TGFA: variants seen among roughly 807,000 people sequenced by gnomAD.
TGFA encodes the protein transforming growth factor alpha.
In TGFA, 12 loss-of-function variants were observed where a neutral mutation model predicts 21.7. That is an observed-to-expected ratio of 0.55 (90% CI 0.35 to 0.90). The LOEUF (loss-of-function observed/expected upper bound fraction) is 0.90, where lower values mean the gene tolerates loss of function less well. Among genes scored for constraint, TGFA ranks in the 40% least tolerant of loss-of-function variants. TGFA has a pLI of 0.01. For missense variants in TGFA, 178 were observed against 210.8 expected (o/e 0.84, Z 0.96); for synonymous variants, 79 against 88.1 (o/e 0.90, Z 0.58).
chr2:70,475,983 C>T (rs1005663015), intron 2 of TGFA, among the ~76,000 whole-genome samples: 1 of 150,196 alleles, frequency 6.7e-6, no homozygotes, highest in Admixed American at 6.7e-5. Flanking sequence ...AGATCACACT[C>T]TCTGCCACTA....
chr2:70,464,545 C>T lies in TGFA; in HGVS notation c.215+1071G>A, dbSNP rs530664227. On this transcript the variant is annotated intron_variant, in intron 3 of 5. Coordinates refer to ENST00000295400, the MANE Select transcript of TGFA (RefSeq NM_003236.4). The stretch of plus-strand genomic sequence containing the variant: ...CGGCCAGGGATAGTAGTGCTATTGG[C>T]ATCTAGTAGATAGAGGCCAGGGATA... 8.5e-4 allele frequency among the ~76,000 whole-genome samples: 130 copies of T among 152,268 alleles called. 3 individuals are homozygous for T. The South Asian group carries it at 0.027, about 32-fold the overall frequency.
At chr2:70,472,153 C>T (rs983522562) in intron 2 of TGFA, among the ~76,000 whole-genome samples, 1 of 152,122 alleles carries the variant, frequency 6.6e-6, no homozygotes, top group African/African-American at 2.4e-5. Context: ...AGGAAGGTGG[C>T]AAAGGCCAGC....
At chr2:70,499,860 G>C (rs922890484) in intron 2 of TGFA, among the ~76,000 whole-genome samples, 4 of 152,298 alleles carry the variant, frequency 2.6e-5, no homozygotes, top group Admixed American at 6.5e-5. Context: ...AGGAAAGGAT[G>C]TGAGTGAAAA....
chr2:70,503,466 C>G (rs1671801457), intron 2 of TGFA, among the ~76,000 whole-genome samples: 1 of 151,090 alleles, frequency 6.6e-6, no homozygotes. Flanking sequence ...GGAGATATAC[C>G]TAATGTAAAT....
intron 2 of TGFA, among the ~76,000 whole-genome samples, chr2:70,505,916 A>G (rs1264370323): frequency 3.9e-5 from 6 of 152,196 alleles, no homozygotes; most frequent in Admixed American, 3.9e-4. Context: ...AGGAAAGGAG[A>G]TTCTGAACAA....
chr2:70,493,332 A>G (rs1553497936), intron 2 of TGFA, among the ~76,000 whole-genome samples: 1 of 152,226 alleles, frequency 6.6e-6, no homozygotes, highest in Admixed American at 6.5e-5. Context: ...GTTCCACTGC[A>G]TGGCCTTGAC....
intron 1 of TGFA, among the ~76,000 whole-genome samples, chr2:70,552,123 G>A (rs1673529388): frequency 6.6e-6 from 1 of 152,200 alleles, no homozygotes; most frequent in South Asian, 2.1e-4. Context: ...CAAGTTAGGT[G>A]ACTTTTCATA....
At chr2:70,531,924 A>G (rs1553503751) in intron 1 of TGFA, among the ~76,000 whole-genome samples, 1 of 152,186 alleles carries the variant, frequency 6.6e-6, no homozygotes, top group East Asian at 1.9e-4. Context: ...TCTACTTGAA[A>G]CACACCCACA....
chr2:70,553,592 G>A, intron 1 of TGFA, 136 bp downstream of exon 1: 2 of 1,313,078 alleles, frequency 1.5e-6, no homozygotes, highest in East Asian at 3.0e-5. Flanking sequence ...CCTCCCAGGC[G>A]CCAACCCATT....
intron 1 of TGFA, among the ~76,000 whole-genome samples, chr2:70,537,020 T>G (rs1438173460): frequency 6.6e-6 from 1 of 151,464 alleles, no homozygotes; most frequent in Non-Finnish European, 1.5e-5. Context: ...TTTACAAATT[T>G]AAAGTTTGTG....
At chr2:70,499,796 A>G (rs1671683389) in intron 2 of TGFA, among the ~76,000 whole-genome samples, 1 of 152,172 alleles carries the variant, frequency 6.6e-6, no homozygotes, top group Admixed American at 6.6e-5. Flanking sequence ...TATTGGGGTG[A>G]GACTGAGGAA....
chr2:70,487,362 A>AT (rs1553496876), intron 2 of TGFA, among the ~76,000 whole-genome samples: 3 of 152,136 alleles, frequency 2.0e-5, no homozygotes, highest in Admixed American at 2.0e-4. Flanking sequence ...TGGATTTTGG[A>AT]TTTTTTCAAA....
chr2:70,453,433 G>C lies in TGFA; in HGVS notation c.366-106C>G, dbSNP rs371359481. 113 of 767,976 alleles carry C rather than the reference G, an allele frequency of 1.5e-4. No homozygotes were observed. In the South Asian group the frequency reaches 1.9e-3, roughly 13 times the overall value. The allele number at this position is 767,976 out of a possible 1,614,324, so 47.6% of individuals were successfully genotyped here. A position where few individuals can be genotyped will look rare whatever the true frequency, so the allele number is the denominator to read the frequency against. ...GCTGGGCAGCTCCAGCTCTAAACCA[G>C]CTCCAAACCAGCTCCCCATGGGGGC... On this transcript the variant is annotated intron_variant, in intron 4 of 5. Coordinates refer to ENST00000295400, the MANE Select transcript of TGFA (RefSeq NM_003236.4).
intron 5 of TGFA, among the ~76,000 whole-genome samples, chr2:70,452,664 G>A (rs945118922): frequency 1.3e-5 from 2 of 152,098 alleles, no homozygotes; most frequent in African/African-American, 4.8e-5. Flanking sequence ...AGGGTAAGCC[G>A]GGCACAGTGG....
chr2:70,465,606 G>A lies in TGFA; in HGVS notation c.215+10C>T, dbSNP rs1574074499. 1 of 1,613,946 alleles carries A rather than the reference G, an allele frequency of 6.2e-7. No individual in the cohort carries two copies. Among genetic ancestry groups the A allele is most frequent in the Admixed American group, 1.7e-5 (1 of 59,996 alleles). On this transcript the variant is annotated intron_variant, in intron 3 of 5. Coordinates refer to ENST00000295400, the MANE Select transcript of TGFA (RefSeq NM_003236.4). ...AGCCCCAGATCTCCAGGAGAACAGGGGATACTTACACACATGCTGGCTTGT... is the reference window on the plus strand; with the variant it reads ...AGCCCCAGATCTCCAGGAGAACAGGAGATACTTACACACATGCTGGCTTGT...
At chr2:70,503,470 T>C (rs1553499513) in intron 2 of TGFA, among the ~76,000 whole-genome samples, 1 of 151,104 alleles carries the variant, frequency 6.6e-6, no homozygotes, top group African/African-American at 2.4e-5. Context: ...ATATACCTAA[T>C]GTAAATGACG....
chr2:70,536,460 A>G (rs1553504398), intron 1 of TGFA, among the ~76,000 whole-genome samples: 1 of 152,192 alleles, frequency 6.6e-6, no homozygotes, highest in Non-Finnish European at 1.5e-5. Context: ...CATAAAATAT[A>G]CCTTAACACA....
chr2:70,519,435 A>C (rs1553501973), intron 1 of TGFA, among the ~76,000 whole-genome samples: 1 of 152,206 alleles, frequency 6.6e-6, no homozygotes, highest in Admixed American at 6.5e-5. Flanking sequence ...AAAATCACTA[A>C]ATTGTATGAT....
rs148200327 is a variant in TGFA at position 70,482,541 on chromosome 2, T to C, written c.95-16805A>G. 1.1e-3 allele frequency among the ~76,000 whole-genome samples: 167 copies of C among 152,322 alleles called. 1 individual carries two copies. The Middle Eastern group carries it at 0.024, about 22-fold the overall frequency. On this transcript the variant is annotated intron_variant, in intron 2 of 5. Coordinates refer to ENST00000295400, the MANE Select transcript of TGFA (RefSeq NM_003236.4). ...TGGAATGCTGTTGGATTATATAAATTTGTGGTCAGCTAAGGCCTCTGGCTG... is the reference window on the plus strand; with the variant it reads ...TGGAATGCTGTTGGATTATATAAATCTGTGGTCAGCTAAGGCCTCTGGCTG...
Sources: allele counts gnomAD v4.1 joint callset (sites outside exome capture counted in the v4.1 genomes callset), GRCh38; gene constraint gnomAD v4.1.1; transcripts MANE v1.5; gene names NCBI Gene and HGNC (gene_info 2026-07-23, HGNC 2026-07-21).